LRIG1: variants seen among roughly 807,000 people sequenced by gnomAD.
The protein encoded by LRIG1 is leucine-rich repeats and immunoglobulin-like domains protein 1.
In LRIG1, 48 loss-of-function variants were observed where a neutral mutation model predicts 99.2. The ratio of observed to expected loss-of-function variants is 0.48; its 90% CI spans 0.38 to 0.62. The LOEUF (loss-of-function observed/expected upper bound fraction) is 0.62. Ranked by LOEUF, LRIG1 falls within the 20% of genes least tolerant of loss-of-function variation. The pLI, the probability that LRIG1 is intolerant of heterozygous loss-of-function variation, is 0.00. For synonymous variants in LRIG1, 772 were observed against 596.1 expected (o/e 1.29, Z -4.30); for missense variants, 1,646 against 1,434.4 (o/e 1.15, Z -2.38).
chr3:66,496,067 A>G (rs1701220075), intron 1 of LRIG1, among the ~76,000 whole-genome samples: 1 of 152,246 alleles, frequency 6.6e-6, no homozygotes, highest in Non-Finnish European at 1.5e-5. Flanking sequence ...AGCTCTCATC[A>G]CACTACACTT....
intron 2 of LRIG1, among the ~76,000 whole-genome samples, chr3:66,455,604 G>T (rs751360391): frequency 4.6e-5 from 7 of 152,188 alleles, no homozygotes; most frequent in Non-Finnish European, 8.8e-5. Context: ...TGTTTCTTTG[G>T]TTGCTCCCAA....
At chr3:66,381,295 T>C (rs1288134824) in intron 17 of LRIG1, among the ~76,000 whole-genome samples, 184 bp downstream of exon 17, 1 of 152,158 alleles carries the variant, frequency 6.6e-6, no homozygotes, top group Non-Finnish European at 1.5e-5. Context: ...ATGGCGTAGA[T>C]TTATTTAGGA....
chr3:66,481,372 T>C (rs541051907), intron 1 of LRIG1, among the ~76,000 whole-genome samples: 1 of 152,350 alleles, frequency 6.6e-6, no homozygotes, highest in Admixed American at 6.5e-5. Flanking sequence ...TGGTTGTTCA[T>C]TAATATATAA....
At position 66,453,695 on chromosome 3, in the gene LRIG1, G is replaced by T. The variant is rs79123131; in HGVS notation, c.291-2062C>A. On this transcript the variant is annotated intron_variant, in intron 2 of 18. Transcript: ENST00000273261. ...ACTAGAGAGGACATGGCCAAGACCT[G>T]AAAAAAGTATGACTACAAACCAGAG... Among the ~76,000 whole-genome samples, 596 of 152,276 alleles carry T rather than the reference G, an allele frequency of 3.9e-3. 5 individuals carry two copies. Among genetic ancestry groups the T allele is most frequent in the African/African-American group, 0.014 (570 of 41,538 alleles).
intron 1 of LRIG1, among the ~76,000 whole-genome samples, chr3:66,471,786 G>C (rs961727313): frequency 1.3e-5 from 2 of 152,180 alleles, no homozygotes; most frequent in Admixed American, 1.3e-4. Flanking sequence ...CATTAACCTG[G>C]TGGATACATT....
At chr3:66,415,380 G>A (rs1258314979) in intron 4 of LRIG1, among the ~76,000 whole-genome samples, 5 of 152,278 alleles carry the variant, frequency 3.3e-5, no homozygotes, top group East Asian at 1.9e-4. Flanking sequence ...CCAGCCCTGC[G>A]TCAGGAGCCA....
At chr3:66,489,959 TTC>T (rs1701065517) in intron 1 of LRIG1, among the ~76,000 whole-genome samples, 1 of 152,102 alleles carries the variant, frequency 6.6e-6, no homozygotes, top group Non-Finnish European at 1.5e-5. Context: ...CAGAAAGACA[TTC>T]TGAGCACCAC....
At chr3:66,391,204 T>C (rs1050474145) in intron 12 of LRIG1, among the ~76,000 whole-genome samples, 7 of 152,182 alleles carry the variant, frequency 4.6e-5, no homozygotes, top group Admixed American at 2.6e-4. Flanking sequence ...TTCTCATGCA[T>C]TGGTGATGGG....
chr3:66,381,074 G>A (rs1233682569), intron 17 of LRIG1: 1 of 602,712 alleles, frequency 1.7e-6, no homozygotes. Context: ...CGTGTTTACA[G>A]TGAATTTCAT....
At chr3:66,448,090 A>G (rs1703785926) in intron 3 of LRIG1, among the ~76,000 whole-genome samples, 1 of 152,244 alleles carries the variant, frequency 6.6e-6, no homozygotes. Flanking sequence ...CTCAGAACAC[A>G]ATGCAAATAA....
intron 1 of LRIG1, among the ~76,000 whole-genome samples, chr3:66,489,016 GA>G: frequency 1.3e-5 from 2 of 151,934 alleles, no homozygotes; most frequent in Admixed American, 1.3e-4. Context: ...ATCAAAGATC[GA>G]AAGTGGATCT....
chr3:66,390,505 T>C (rs1362754277), intron 12 of LRIG1, among the ~76,000 whole-genome samples: 2 of 152,206 alleles, frequency 1.3e-5, no homozygotes, highest in African/African-American at 4.8e-5. Context: ...CTTCATGGAT[T>C]GGGAAGACTT....
chr3:66,419,771 C>T (rs1178585741), intron 3 of LRIG1, among the ~76,000 whole-genome samples: 1 of 151,818 alleles, frequency 6.6e-6, no homozygotes, highest in East Asian at 2.0e-4. Flanking sequence ...CTGATCAAAG[C>T]TGCTGGCCTC....
At chr3:66,380,540 C>CT in intron 18 of LRIG1, 37 bp downstream of exon 18, 1 of 1,613,552 alleles carries the variant, frequency 6.2e-7, no homozygotes, top group Non-Finnish European at 8.5e-7. Context: ...GTTTAAGCAG[C>CT]TCCCAACCCA....
intron 3 of LRIG1, among the ~76,000 whole-genome samples, chr3:66,432,389 G>C (rs1411628762): frequency 6.6e-6 from 1 of 152,194 alleles, no homozygotes; most frequent in East Asian, 1.9e-4. Context: ...CTTAGCTATG[G>C]AGGAGTCACA....
chr3:66,436,670 AGAG>A lies in LRIG1; in HGVS notation c.365+14886_365+14888del, dbSNP rs1053662395. Among the ~76,000 whole-genome samples the A allele has an allele frequency of 5.3e-4, 81 of 152,124 alleles. 1 individual carries two copies. Among genetic ancestry groups the A allele is most frequent in the Admixed American group, 1.3e-3 (20 of 15,276 alleles). On this transcript the variant is annotated intron_variant, in intron 3 of 18. Coordinates refer to ENST00000273261, the MANE Select transcript of LRIG1 (RefSeq NM_015541.3). Reference sequence around the variant, plus strand: ...GACAAGCCTGCACAGGAAGAACTGAAGAGGAGGGGGGAATATATGCCTGTGGTA... The same window carrying A: ...GACAAGCCTGCACAGGAAGAACTGAAGAGGGGGGAATATATGCCTGTGGTA...
At chr3:66,433,059 T>C (rs1703229608) in intron 3 of LRIG1, among the ~76,000 whole-genome samples, 1 of 152,196 alleles carries the variant, frequency 6.6e-6, no homozygotes, top group African/African-American at 2.4e-5. Flanking sequence ...TCAGCGGCCA[T>C]GTCCCCATCC....
intron 12 of LRIG1, among the ~76,000 whole-genome samples, chr3:66,391,652 C>A (rs1400856079): frequency 6.6e-6 from 1 of 152,028 alleles, no homozygotes; most frequent in Non-Finnish European, 1.5e-5. Flanking sequence ...GTATGGGGAT[C>A]CTTCTAGTGG....
intron 3 of LRIG1, among the ~76,000 whole-genome samples, chr3:66,428,576 C>T (rs867786475): frequency 2.6e-5 from 4 of 152,144 alleles, no homozygotes; most frequent in Non-Finnish European, 5.9e-5. Context: ...GGACCAATGC[C>T]CATACAGAAC....
Sources: gnomAD v4.1 joint callset for allele counts (sites outside exome capture counted in the v4.1 genomes callset) on GRCh38, gnomAD v4.1.1 for gene constraint, MANE v1.5 for transcripts, NCBI Gene and HGNC (gene_info 2026-07-23, HGNC 2026-07-21) for gene names.